NKAIN2: variants seen among roughly 807,000 people sequenced by gnomAD.
NKAIN2 encodes the protein sodium/potassium transporting ATPase interacting 2, also known as sodium/potassium-transporting ATPase subunit beta-1-interacting protein 2.
NKAIN2 carries 14 observed loss-of-function variants against 32.6 expected under a neutral mutation model. The observed-to-expected ratio is 0.43, with a 90% CI of 0.28 to 0.67. The LOEUF (loss-of-function observed/expected upper bound fraction) is 0.67. Among genes scored for constraint, NKAIN2 ranks in the 30% least tolerant of loss-of-function variants. The pLI is 0.17. For missense variants in NKAIN2, 198 were observed against 258.3 expected, an observed-to-expected ratio of 0.77 and a Z score of 1.60; for synonymous variants, 80 against 87.2, an observed-to-expected ratio of 0.92 and a Z score of 0.46.
intron 3 of NKAIN2, among the ~76,000 whole-genome samples, chr6:124,377,329 G>A (rs1800035813): frequency 6.6e-6 from 1 of 152,074 alleles, no homozygotes. Flanking sequence ...TGGGCCCAAG[G>A]ATCAGGGCAG....
chr6:123,985,728 T>G (rs1779106436), intron 1 of NKAIN2, among the ~76,000 whole-genome samples: 1 of 152,094 alleles, frequency 6.6e-6, no homozygotes, highest in Admixed American at 6.6e-5. Flanking sequence ...GTATGTTTGG[T>G]TTCAATTGAG....
intron 4 of NKAIN2, among the ~76,000 whole-genome samples, chr6:124,691,414 G>A (rs1336844779): frequency 6.6e-6 from 1 of 152,080 alleles, no homozygotes; most frequent in Non-Finnish European, 1.5e-5. Flanking sequence ...CAAACCCTGT[G>A]TTTGCTCCCT....
At chr6:124,602,091 C>G (rs1583502131) in intron 3 of NKAIN2, among the ~76,000 whole-genome samples, 1 of 152,084 alleles carries the variant, frequency 6.6e-6, no homozygotes, top group East Asian at 1.9e-4. Context: ...CTACATTTTT[C>G]CCTAGCACAT....
At position 124,703,439 on chromosome 6, in the gene NKAIN2, C is replaced by G. The variant is rs1165007821; in HGVS notation, c.474+45053C>G. Among the ~76,000 whole-genome samples, 4 of 151,994 alleles carry G rather than the reference C, an allele frequency of 2.6e-5. No homozygotes were observed. In the East Asian group the frequency reaches 7.7e-4, roughly 29 times the overall value. Reference sequence around the variant, plus strand: ...TGATGATTGTATATAGCACAAAATTCTGATATTTAGTTTGGCTATTTAATT... The same window carrying G: ...TGATGATTGTATATAGCACAAAATTGTGATATTTAGTTTGGCTATTTAATT... On this transcript the variant is annotated intron_variant, in intron 4 of 6. Transcript: ENST00000368417.
At chr6:123,978,679 T>TTG (rs879607053) in intron 1 of NKAIN2, among the ~76,000 whole-genome samples, 17 of 151,580 alleles carry the variant, frequency 1.1e-4, no homozygotes, top group Admixed American at 2.0e-4. Context: ...AATTTCACAA[T>TTG]TGTGTGTGTG....
At chr6:124,702,072 A>G (rs367758830) in intron 4 of NKAIN2, among the ~76,000 whole-genome samples, 1 of 152,262 alleles carries the variant, frequency 6.6e-6, no homozygotes, top group Admixed American at 6.5e-5. Flanking sequence ...AATAGTTTGA[A>G]GTTGGGTTAC....
intron 3 of NKAIN2, among the ~76,000 whole-genome samples, chr6:124,651,233 T>G (rs149083203): frequency 4.3e-4 from 65 of 152,326 alleles, no homozygotes; most frequent in African/African-American, 1.4e-3. Flanking sequence ...TTTGCTGGGC[T>G]CAGCCTGTAT....
chr6:123,918,979 CTCTCTCTG>C (rs1296504302), intron 1 of NKAIN2, among the ~76,000 whole-genome samples: 8 of 152,044 alleles, frequency 5.3e-5, no homozygotes, highest in Non-Finnish European at 8.8e-5. Context: ...TCTTCTTTCT[CTCTCTCTG>C]TCTCTCTGTC....
chr6:124,475,994 G>A lies in NKAIN2; in HGVS notation c.273+120647G>A, dbSNP rs1333495041. 2.0e-5 allele frequency among the ~76,000 whole-genome samples: 3 copies of A among 151,948 alleles called. No individual in the cohort carries two copies. In the East Asian group the frequency reaches 5.8e-4, roughly 29 times the overall value. On this transcript the variant is annotated intron_variant, in intron 3 of 6. Transcript: ENST00000368417. ...GTTAATAGCTTCCAAATGGCAAAGT[G>A]TGTGTGTATGTATGTGTGTGTGAGC...
chr6:124,505,465 T>C lies in NKAIN2; in HGVS notation c.273+150118T>C, dbSNP rs2114758544. 2.0e-5 allele frequency among the ~76,000 whole-genome samples: 3 copies of C among 152,312 alleles called. No homozygotes were observed. The East Asian group carries it at 5.8e-4, about 29-fold the overall frequency. Reference sequence around the variant, plus strand: ...CAGAACCTCTTCCATCAAATTTCCATTCGTAACTGTGGCACCAAATTTTAG... The same window carrying C: ...CAGAACCTCTTCCATCAAATTTCCACTCGTAACTGTGGCACCAAATTTTAG... On this transcript the variant is annotated intron_variant, in intron 3 of 6. Transcript: ENST00000368417.
intron 4 of NKAIN2, among the ~76,000 whole-genome samples, chr6:124,768,652 A>G (rs139243373): frequency 6.6e-6 from 1 of 152,258 alleles, no homozygotes; most frequent in Non-Finnish European, 1.5e-5. Context: ...ACTCTCAAAC[A>G]TTTCCTAGAT....
chr6:124,318,160 A>G (rs1489842154), intron 2 of NKAIN2, among the ~76,000 whole-genome samples: 1 of 152,052 alleles, frequency 6.6e-6, no homozygotes, highest in Non-Finnish European at 1.5e-5. Context: ...AATAAATGTG[A>G]GCAATACTTT....
intron 3 of NKAIN2, among the ~76,000 whole-genome samples, chr6:124,489,714 C>T (rs1452679871): frequency 6.6e-6 from 1 of 151,840 alleles, no homozygotes; most frequent in African/African-American, 2.4e-5. Flanking sequence ...TTTGCACCAT[C>T]ATGAAGTTGA....
chr6:124,061,259 T>A (rs1423627437), intron 1 of NKAIN2, among the ~76,000 whole-genome samples: 2 of 152,142 alleles, frequency 1.3e-5, no homozygotes, highest in Non-Finnish European at 2.9e-5. Context: ...GGGGAAAATA[T>A]TCTCAGTAAT....
rs915855839 is a variant in NKAIN2 at position 124,726,114 on chromosome 6, G to T, written c.475-65225G>T. 6.6e-5 allele frequency among the ~76,000 whole-genome samples: 10 copies of T among 152,330 alleles called. No homozygotes were observed. In the East Asian group the frequency reaches 1.9e-3, roughly 29 times the overall value. On this transcript the variant is annotated intron_variant, in intron 4 of 6. Coordinates refer to ENST00000368417, the MANE Select transcript of NKAIN2 (RefSeq NM_001040214.3). ...GCAGTCTGAGATCAAACTGCAAGGC[G>T]GCAGCGAGCCTGGGGGAGGGGCGCC...
intron 1 of NKAIN2, among the ~76,000 whole-genome samples, chr6:123,962,641 C>A (rs573777312): frequency 6.6e-6 from 1 of 152,216 alleles, no homozygotes; most frequent in South Asian, 2.1e-4. Context: ...GCACTTTAGT[C>A]ATGAGTAGGC....
intron 3 of NKAIN2, among the ~76,000 whole-genome samples, chr6:124,415,878 C>CTTTTTTTTTTTTGTTT (rs1774444599): frequency 1.4e-5 from 1 of 72,588 alleles, no homozygotes; most frequent in Non-Finnish European, 2.6e-5. Flanking sequence ...TTTTTATTTG[C>CTTTTTTTTTTTTGTTT]TTTTTTTTTT....
chr6:124,632,152 G>C (rs1259109577), intron 3 of NKAIN2, among the ~76,000 whole-genome samples: 2 of 152,088 alleles, frequency 1.3e-5, no homozygotes, highest in African/African-American at 4.8e-5. Context: ...TTTGATTACA[G>C]CTGTGAACAC....
chr6:123,917,632 G>T lies in NKAIN2; in HGVS notation c.54+113378G>T, dbSNP rs548382200. ...TCTGCTCTTGGGCCTTTCCTTTTCCGCTTGTATTCCTTTTCTACATCCCTT... is the reference window on the plus strand; with the variant it reads ...TCTGCTCTTGGGCCTTTCCTTTTCCTCTTGTATTCCTTTTCTACATCCCTT... On this transcript the variant is annotated intron_variant, in intron 1 of 6. Transcript: ENST00000368417. 2.0e-5 allele frequency among the ~76,000 whole-genome samples: 3 copies of T among 151,982 alleles called. No homozygotes were observed. The East Asian group carries it at 5.8e-4, about 29-fold the overall frequency.
Sources: gnomAD v4.1 joint callset for allele counts (sites outside exome capture counted in the v4.1 genomes callset) on GRCh38, gnomAD v4.1.1 for gene constraint, MANE v1.5 for transcripts, NCBI Gene and HGNC (gene_info 2026-07-23, HGNC 2026-07-21) for gene names.